Variants in WIF1 observed in about 807,000 individuals in gnomAD.
WIF1 encodes the protein Wnt inhibitory factor 1.
A neutral mutation model predicts 53.5 loss-of-function variants in WIF1; 35 were observed. That is an observed-to-expected ratio of 0.65 (90% CI 0.50 to 0.87). The LOEUF is 0.87. Ranked by LOEUF, WIF1 falls within the 40% of genes least tolerant of loss-of-function variation. The pLI, the probability that WIF1 is intolerant of heterozygous loss-of-function variation, is 0.00. For synonymous variants in WIF1, 171 were observed against 170.4 expected (o/e 1.00, Z -0.03); for missense variants, 467 against 476.8 (o/e 0.98, Z 0.19).
At chr12:65,081,322 G>A (rs558416954) in intron 2 of WIF1, among the ~76,000 whole-genome samples, 8 of 151,962 alleles carry the variant, frequency 5.3e-5, no homozygotes, top group Non-Finnish European at 1.0e-4. Context: ...GCTTCTGAAC[G>A]CCTCTTCCAA....
chr12:65,091,578 A>C (rs1296274806), intron 2 of WIF1, among the ~76,000 whole-genome samples: 4 of 152,042 alleles, frequency 2.6e-5, no homozygotes, highest in Non-Finnish European at 5.9e-5. Flanking sequence ...AGTTTGAATA[A>C]AAAGAAATCA....
At chr12:65,095,673 T>C (rs1216831488) in intron 2 of WIF1, 2 of 151,976 alleles carry the variant, frequency 1.3e-5, no homozygotes, top group African/African-American at 4.8e-5. Flanking sequence ...AAAGAAAATA[T>C]CAGTGAGCTT....
chr12:65,117,143 T>G (rs960766994), intron 2 of WIF1, among the ~76,000 whole-genome samples: 1 of 152,036 alleles, frequency 6.6e-6, no homozygotes, highest in African/African-American at 2.4e-5. Context: ...TTTTTAATTT[T>G]TATAAACAGC....
At chr12:65,083,260 A>G (rs191210913) in intron 2 of WIF1, among the ~76,000 whole-genome samples, 18 of 152,304 alleles carry the variant, frequency 1.2e-4, no homozygotes, top group Non-Finnish European at 2.2e-4. Context: ...GAAAAAATCT[A>G]AAATAAGCAA....
intron 2 of WIF1, among the ~76,000 whole-genome samples, chr12:65,118,262 T>C (rs1265277743): frequency 6.6e-6 from 1 of 152,258 alleles, no homozygotes; most frequent in Non-Finnish European, 1.5e-5. Context: ...GGTTTGGCTT[T>C]AGCCATAGAT....
chr12:65,072,430 A>G (rs779359223), intron 3 of WIF1, among the ~76,000 whole-genome samples: 1 of 152,216 alleles, frequency 6.6e-6, no homozygotes, highest in Non-Finnish European at 1.5e-5. Context: ...TGATTTAATT[A>G]TGGTTTGCAT....
intron 7 of WIF1, 35 bp from the exon 8 acceptor site, chr12:65,056,161 C>G (rs1234148777): frequency 2.5e-6 from 4 of 1,589,286 alleles, no homozygotes; most frequent in African/African-American, 1.3e-5. Context: ...AACAAGGAAC[C>G]TGGTGCTTCA....
chr12:65,076,501 G>A (rs768305213), intron 3 of WIF1, among the ~76,000 whole-genome samples: 1 of 152,102 alleles, frequency 6.6e-6, no homozygotes, highest in African/African-American at 2.4e-5. Flanking sequence ...TGTTTTAAGA[G>A]TCTTTAAGAA....
chr12:65,067,197 T>G (rs1280627146), intron 5 of WIF1, among the ~76,000 whole-genome samples: 1 of 152,196 alleles, frequency 6.6e-6, no homozygotes, highest in Non-Finnish European at 1.5e-5. Flanking sequence ...TTTTGCTTAC[T>G]GTAGTCAGAT....
In WIF1 at chr12:65,067,730, C is replaced by T; in HGVS notation, c.599G>A (p.Cys200Tyr). Residue 200 changes from cysteine to tyrosine, a missense_variant, in exon 5 of 10, where the codon TGT becomes TAT. By Grantham distance (194) the Cys-to-Tyr change is radical. Transcript: ENST00000286574. ...GFCNERRICECPDGFHGPHCE... is the reference protein window; with the variant it reads ...GFCNERRICEYPDGFHGPHCE... ...GTGAGGTCCGTGGAACCCATCAGGA[C>T]ACTCGCAGATGCGTCTTTCATTACA... is the stretch of plus-strand genomic sequence containing the variant. 1.2e-6 allele frequency: 2 copies of T among 1,613,402 alleles called. No individual in the cohort carries two copies. The highest frequency in any genetic ancestry group is 2.2e-5 in the East Asian group (1 of 44,874).
At chr12:65,077,480 T>C (rs1183248060) in intron 3 of WIF1, among the ~76,000 whole-genome samples, 1 of 152,172 alleles carries the variant, frequency 6.6e-6, no homozygotes, top group Non-Finnish European at 1.5e-5. Context: ...TCCTTTTTTT[T>C]CTTTAAAAAA....
At chr12:65,066,796 G>C (rs1882694129) in intron 5 of WIF1, 60 bp from the exon 6 acceptor site, 2 of 1,284,888 alleles carry the variant, frequency 1.6e-6, no homozygotes, top group Non-Finnish European at 2.2e-6. Context: ...GGACCATTTT[G>C]AAATGTCAAT....
chr12:65,120,971 G>A (rs1320963631), intron 1 of WIF1, 73 bp downstream of exon 1: 1 of 1,359,616 alleles, frequency 7.4e-7, no homozygotes. Flanking sequence ...AAGAAACGCA[G>A]GTATCCCTCT....
chr12:65,059,883 C>T (rs1882585062), intron 7 of WIF1, among the ~76,000 whole-genome samples: 2 of 152,120 alleles, frequency 1.3e-5, no homozygotes, highest in South Asian at 4.1e-4. Flanking sequence ...AACTCCTGAC[C>T]TCAGGTGATC....
rs1882630759 is a variant in WIF1 at position 65,062,594 on chromosome 12, A to C, written c.731-18T>G. Reference sequence around the variant, plus strand: ...GCAGTTTGCTGTTAGAATGAGTAACAGGGGTGTTGCATTAGACAGTAGGTT... The same window carrying C: ...GCAGTTTGCTGTTAGAATGAGTAACCGGGGTGTTGCATTAGACAGTAGGTT... On this transcript the variant is annotated intron_variant, in intron 6 of 9. Coordinates refer to ENST00000286574, the MANE Select transcript of WIF1 (RefSeq NM_007191.5). 2 of 1,593,832 alleles carry C rather than the reference A, an allele frequency of 1.3e-6. No homozygotes were observed. Among genetic ancestry groups the C allele is most frequent in the East Asian group, 4.5e-5 (2 of 44,680 alleles).
At position 65,121,166 on chromosome 12, in the gene WIF1, G is replaced by T. The variant is rs907011096; in HGVS notation, c.26C>A (p.Ala9Asp). MARRSAFPAAALWLWSILL... is the reference protein window; with the variant it reads MARRSAFPDAALWLWSILL... ...GATGCTCCAGAGCCAGAGCGCGGCGGCAGGGAAGGCGCTCCTCCGGGCCAT... is the reference window on the plus strand; with the variant it reads ...GATGCTCCAGAGCCAGAGCGCGGCGTCAGGGAAGGCGCTCCTCCGGGCCAT... The change falls in exon 1 of 10, where the codon GCC becomes GAC. Residue 9 changes from alanine (A) to aspartate (D), a missense_variant. Physicochemically the swap from Ala to Asp is moderately radical, Grantham distance 126. Coordinates refer to ENST00000286574, the MANE Select transcript of WIF1 (RefSeq NM_007191.5). The T allele has an allele frequency of 1.3e-6, 2 of 1,545,196 alleles. No individual in the cohort carries two copies. Among genetic ancestry groups the T allele is most frequent in the Non-Finnish European group, 1.7e-6 (2 of 1,144,704 alleles).
At position 65,120,401 on chromosome 12, in the gene WIF1, T is replaced by C; in HGVS notation, c.288+16A>G. 1.2e-6 allele frequency: 2 copies of C among 1,611,016 alleles called. No individual in the cohort carries two copies. The highest frequency in any genetic ancestry group is 1.7e-6 in the Non-Finnish European group (2 of 1,178,766). ...AGGCAGTGGAAATATTAAAGGGTAA[T>C]TTTCTCAGAACTTACCTGCCCTGCA... is the stretch of plus-strand genomic sequence containing the variant. On this transcript the variant is annotated intron_variant, in intron 2 of 9. Transcript: ENST00000286574.
chr12:65,096,213 C>T (rs948783197), intron 2 of WIF1, among the ~76,000 whole-genome samples: 1 of 152,160 alleles, frequency 6.6e-6, no homozygotes, highest in East Asian at 1.9e-4. Flanking sequence ...AGGATATGAA[C>T]AGACACTTCT....
In WIF1 at chr12:65,101,339, A is replaced by C. The variant is rs528992054; in HGVS notation, c.288+19078T>G. On this transcript the variant is annotated intron_variant, in intron 2 of 9. Coordinates refer to ENST00000286574, the MANE Select transcript of WIF1 (RefSeq NM_007191.5). ...GCCAAGCCAGGAATAAATGTCATGAATATCTAGAAAGAAGCTACCATTTGA... is the reference window on the plus strand; with the variant it reads ...GCCAAGCCAGGAATAAATGTCATGACTATCTAGAAAGAAGCTACCATTTGA... Among the ~76,000 whole-genome samples the C allele has an allele frequency of 2.0e-5, 3 of 152,332 alleles. No homozygotes were observed. The East Asian group carries it at 5.8e-4, about 29-fold the overall frequency.
Sources: allele counts gnomAD v4.1 joint callset (sites outside exome capture counted in the v4.1 genomes callset), GRCh38; gene constraint gnomAD v4.1.1; transcripts MANE v1.5; gene names NCBI Gene and HGNC (gene_info 2026-07-23, HGNC 2026-07-21).